The following PRRC2B variants were observed in gnomAD, a reference collection of about 807,000 sequenced individuals.
The protein encoded by PRRC2B is proline rich coiled-coil 2B, also known as protein PRRC2B.
A neutral mutation model predicts 242.3 loss-of-function variants in PRRC2B; 68 were observed. That is an observed-to-expected ratio of 0.28 (90% confidence interval 0.23 to 0.34). The LOEUF is 0.34. Among genes scored for constraint, PRRC2B ranks in the 10% least tolerant of loss-of-function variants. The pLI, the probability that PRRC2B is intolerant of heterozygous loss-of-function variation, is 1.00. For synonymous variants in PRRC2B, 1,228 were observed against 1,173.6 expected (o/e 1.05, Z -0.95); for missense variants, 2,835 against 2,954.8 (o/e 0.96, Z 0.94).
In PRRC2B at chr9:131,455,062, T is replaced by C; in HGVS notation, c.1121-14T>C. 2 of 1,598,704 alleles carry C rather than the reference T, an allele frequency of 1.3e-6. No homozygotes were observed. The highest frequency in any genetic ancestry group is 1.7e-6 in the Non-Finnish European group (2 of 1,167,532). On this transcript the variant is annotated splice_polypyrimidine_tract_variant and intron_variant, in intron 9 of 31. Transcript: ENST00000683519. ...ATTCTTTCTCATTCTTCCTGGGCCC[T>C]CCTGCTGTTGTAGGCCTCCATGAAG...
intron 1 of PRRC2B, among the ~76,000 whole-genome samples, chr9:131,384,312 T>C (rs1836801775): frequency 6.6e-6 from 1 of 151,790 alleles, no homozygotes; most frequent in African/African-American, 2.4e-5. Flanking sequence ...AGGTGGAGTC[T>C]CACTCTGTCA....
At chr9:131,422,201 C>T (rs1362790048) in intron 1 of PRRC2B, among the ~76,000 whole-genome samples, 2 of 152,034 alleles carry the variant, frequency 1.3e-5, no homozygotes, top group South Asian at 4.1e-4. Flanking sequence ...ATTACAGGCG[C>T]GCGCCACCAT....
At chr9:131,405,501 C>T (rs777883314) in intron 1 of PRRC2B, among the ~76,000 whole-genome samples, 11 of 152,084 alleles carry the variant, frequency 7.2e-5, no homozygotes, top group Non-Finnish European at 1.6e-4. Flanking sequence ...GGCTGTTGTG[C>T]ATATCTCACT....
In PRRC2B at chr9:131,457,998, G is replaced by C. The variant is rs186623657; in HGVS notation, c.1212-1166G>C. On this transcript the variant is annotated intron_variant, in intron 10 of 31. Transcript: ENST00000683519. ...CTTTTCTCTGATCTGCAGTATTACC[G>C]GGCCCTTGCAAATGCTTTGCCCCAG... 2.6e-5 allele frequency among the ~76,000 whole-genome samples: 4 copies of C among 152,068 alleles called. No homozygotes were observed. The East Asian group carries it at 7.7e-4, about 29-fold the overall frequency.
chr9:131,394,352 G>A (rs1836979601), intron 1 of PRRC2B, 89 bp downstream of exon 1: 1 of 146,092 alleles, frequency 6.8e-6, no homozygotes, highest in Non-Finnish European at 1.5e-5. Flanking sequence ...TGTCTCCCGC[G>A]GCCGCCGCCG....
In PRRC2B at chr9:131,494,619, C is replaced by G. The variant is rs1588286390; in HGVS notation, c.6555+133C>G. 3.5e-6 allele frequency: 2 copies of G among 575,162 alleles called. No individual in the cohort carries two copies. Among genetic ancestry groups the G allele is most frequent in the Admixed American group, 3.4e-5 (1 of 29,150 alleles). 35.6% of individuals were successfully genotyped at this position (575,162 alleles called of 1,614,324 possible). Reference sequence around the variant, plus strand: ...CAGCCATGCCCTAGCGGTTAGAGCACAGAACCGGGAGCTGGGCCGCCCGCG... The same window carrying G: ...CAGCCATGCCCTAGCGGTTAGAGCAGAGAACCGGGAGCTGGGCCGCCCGCG... On this transcript the variant is annotated intron_variant, in intron 31 of 31. Transcript: ENST00000683519. The surrounding 1 kb of genome is among the most constrained non-coding windows in gnomAD (Gnocchi z 4.3).
chr9:131,398,525 TCCGTCTGGA>T (rs1266790476), intron 1 of PRRC2B, among the ~76,000 whole-genome samples: 3 of 152,222 alleles, frequency 2.0e-5, no homozygotes, highest in African/African-American at 4.8e-5. Flanking sequence ...TTGTGTGGCT[TCCGTCTGGA>T]CCGTCTTCCT....
intron 10 of PRRC2B, among the ~76,000 whole-genome samples, chr9:131,456,648 A>C (rs1943089225): frequency 6.6e-6 from 1 of 151,910 alleles, no homozygotes; most frequent in Non-Finnish European, 1.5e-5. Context: ...AAAAAAAAAA[A>C]ATACCCCACA....
intron 13 of PRRC2B, among the ~76,000 whole-genome samples, chr9:131,468,475 A>T (rs1943454885): frequency 6.6e-6 from 1 of 152,144 alleles, no homozygotes; most frequent in Non-Finnish European, 1.5e-5. Context: ...TATAAATTTT[A>T]AAAGGGACCT....
At chr9:131,378,691 G>A (rs1228752808) in intron 1 of PRRC2B, among the ~76,000 whole-genome samples, 1 of 152,020 alleles carries the variant, frequency 6.6e-6, no homozygotes, top group Non-Finnish European at 1.5e-5. Flanking sequence ...TGCCTGTTCT[G>A]GGCATTTTGA....
At position 131,462,714 on chromosome 9, in the gene PRRC2B, G is replaced by A. The variant is rs146756790; in HGVS notation, c.1405-2049G>A. 1.6e-3 allele frequency among the ~76,000 whole-genome samples: 241 copies of A among 150,578 alleles called. 3 individuals are homozygous for A. In the East Asian group the frequency reaches 0.02, roughly 13 times the overall value. Reference sequence around the variant, plus strand: ...TTAGCCAGGCGTGGTGCCGCACGCCGGTATTCCCAGCTACTCAGGAGGCTG... The same window carrying A: ...TTAGCCAGGCGTGGTGCCGCACGCCAGTATTCCCAGCTACTCAGGAGGCTG... On this transcript the variant is annotated intron_variant, in intron 11 of 31. Coordinates refer to ENST00000683519, the MANE Select transcript of PRRC2B (RefSeq NM_013318.4).
Position 131,479,376 on chromosome 9 carries a change from G to T in PRRC2B, c.4883G>T (p.Trp1628Leu). 1 of 1,613,688 alleles carries T rather than the reference G, an allele frequency of 6.2e-7. No homozygotes were observed. The highest frequency in any genetic ancestry group is 1.1e-5 in the South Asian group (1 of 90,994). ...VPGSSLGTEIWESSSQALPVQ... is the reference protein window; with the variant it reads ...VPGSSLGTEILESSSQALPVQ... ...GGCAGCAGCCTGGGCACTGAGATCTGGGAGAGCAGCAGCCAGGGTGAGAGT... is the reference window on the plus strand; with the variant it reads ...GGCAGCAGCCTGGGCACTGAGATCTTGGAGAGCAGCAGCCAGGGTGAGAGT... Residue 1628 changes from tryptophan (W) to leucine (L), a missense_variant, in exon 19 of 32, where the codon TGG becomes TTG. Trp to Leu is a moderately conservative substitution (Grantham distance 61). Around this residue, in one of 7 missense-constraint regions of PRRC2B, gnomAD observed 1,536 missense variants for 1,483.1 expected, o/e 1.04. Coordinates refer to ENST00000683519, the MANE Select transcript of PRRC2B (RefSeq NM_013318.4).
intron 30 of PRRC2B, among the ~76,000 whole-genome samples, 164 bp downstream of exon 30, chr9:131,492,424 T>G (rs1280246323): frequency 3.3e-5 from 5 of 152,214 alleles, no homozygotes; most frequent in Non-Finnish European, 7.3e-5. Flanking sequence ...GCACTTGTGT[T>G]CCAGTTAAAT....
chr9:131,397,620 C>G (rs117816838), intron 1 of PRRC2B, among the ~76,000 whole-genome samples: 1 of 129,724 alleles, frequency 7.7e-6, no homozygotes, highest in Non-Finnish European at 1.5e-5. Flanking sequence ...TTGCTAATGG[C>G]TGTGGCTGTA....
chr9:131,381,574 A>G (rs1373770013), intron 1 of PRRC2B, among the ~76,000 whole-genome samples: 1 of 151,166 alleles, frequency 6.6e-6, no homozygotes, highest in Non-Finnish European at 1.5e-5. Context: ...GCTCGCCACC[A>G]TGCCCAGCCA....
rs1564299401 is a variant in PRRC2B at position 131,481,820 on chromosome 9, CGCTGCCCACAT to C, written c.4983+20_4983+30del. 5 of 1,548,914 alleles carry C rather than the reference CGCTGCCCACAT, an allele frequency of 3.2e-6. No homozygotes were observed. The highest frequency in any genetic ancestry group is 4.4e-6 in the Non-Finnish European group (5 of 1,149,354). On this transcript the variant is annotated intron_variant, in intron 20 of 31. Transcript: ENST00000683519. ...CTGGCTCTGCGGAGGTGAGTGTGGCCGCTGCCCACATGCTGCCCCTGGGATGAGTGTGTGAG... is the reference window on the plus strand; with the variant it reads ...CTGGCTCTGCGGAGGTGAGTGTGGCCGCTGCCCCTGGGATGAGTGTGTGAG...
At position 131,388,929 on chromosome 9, in the gene PRRC2B, C is replaced by G. The variant is rs187247356; in HGVS notation, c.-56+15198C>G. ...GATCTTGGCTCACTGCAACCTCCCC[C>G]TCCCGGATTCAACCAATTCTCCTGC... On this transcript the variant is annotated intron_variant, in intron 1 of 1. Transcript: ENST00000682525. Among the ~76,000 whole-genome samples the G allele has an allele frequency of 5.5e-3, 825 of 149,274 alleles. 21 individuals carry two copies. The highest frequency in any genetic ancestry group is 0.019 in the African/African-American group (776 of 41,090).
intron 6 of PRRC2B, among the ~76,000 whole-genome samples, chr9:131,445,768 C>T (rs1218328673): frequency 6.6e-6 from 1 of 152,182 alleles, no homozygotes; most frequent in Non-Finnish European, 1.5e-5. Flanking sequence ...TCTGTTGTCT[C>T]ATTTGATTTC....
chr9:131,387,691 G>A (rs927109410), intron 1 of PRRC2B, among the ~76,000 whole-genome samples: 2 of 149,898 alleles, frequency 1.3e-5, no homozygotes, highest in African/African-American at 4.9e-5. Context: ...GAACAGTGGA[G>A]AAGGTAAAGA....
Sources: gnomAD v4.1 joint callset for allele counts (sites outside exome capture counted in the v4.1 genomes callset) on GRCh38, gnomAD v4.1.1 for gene constraint, gnomAD v4.1.1 regional missense constraint, Gnocchi (gnomAD v3.1) non-coding constraint, MANE v1.5 for transcripts, NCBI Gene and HGNC (gene_info 2026-07-23, HGNC 2026-07-21) for gene names.